Variants in ST8SIA5 observed in about 807,000 individuals in gnomAD.
ST8SIA5 encodes the protein ST8 alpha-N-acetyl-neuraminide alpha-2,8-sialyltransferase 5, also known as alpha-2,8-sialyltransferase 8E.
In ST8SIA5, 24 loss-of-function variants were observed where a neutral mutation model predicts 40.2. The ratio of observed to expected loss-of-function variants is 0.60; its 90% confidence interval spans 0.43 to 0.84. The LOEUF is 0.84. Among genes scored for constraint, ST8SIA5 ranks in the 40% least tolerant of loss-of-function variants. The pLI is 0.00. For missense variants in ST8SIA5, 465 were observed against 498.5 expected (o/e 0.93, Z 0.64); for synonymous variants, 198 against 201.8 (o/e 0.98, Z 0.16).
At chr18:46,694,582 T>C (rs1377409122) in intron 2 of ST8SIA5, among the ~76,000 whole-genome samples, 1 of 152,148 alleles carries the variant, frequency 6.6e-6, no homozygotes, top group Admixed American at 6.5e-5. Flanking sequence ...TCTTGGGTGC[T>C]GGTGCAGACA....
chr18:46,702,344 G>A (rs560700986), intron 2 of ST8SIA5, among the ~76,000 whole-genome samples: 2 of 152,180 alleles, frequency 1.3e-5, no homozygotes, highest in African/African-American at 4.8e-5. Flanking sequence ...AAAACTCCTT[G>A]GAGGCATGTT....
At chr18:46,752,291 G>A (rs1049624854) in intron 1 of ST8SIA5, among the ~76,000 whole-genome samples, 6 of 151,918 alleles carry the variant, frequency 3.9e-5, no homozygotes, top group South Asian at 2.1e-4. Flanking sequence ...TCCTCTAGGC[G>A]TGCCTTTCTG....
intron 2 of ST8SIA5, among the ~76,000 whole-genome samples, chr18:46,697,246 G>A (rs989449431): frequency 6.6e-6 from 1 of 152,038 alleles, no homozygotes; most frequent in African/African-American, 2.4e-5. Flanking sequence ...TTTATTTCAA[G>A]GTTAAATATG....
At chr18:46,744,134 T>C (rs1388957708) in intron 1 of ST8SIA5, among the ~76,000 whole-genome samples, 1 of 152,162 alleles carries the variant, frequency 6.6e-6, no homozygotes. Flanking sequence ...AAACCATCGA[T>C]GCTATGAAGA....
chr18:46,717,358 G>A (rs1555696302), intron 1 of ST8SIA5, among the ~76,000 whole-genome samples: 2 of 151,862 alleles, frequency 1.3e-5, no homozygotes, highest in African/African-American at 2.4e-5. Flanking sequence ...TTTTTTAGAC[G>A]GAGTTTTGCT....
chr18:46,727,677 G>T (rs1340486357), intron 1 of ST8SIA5, among the ~76,000 whole-genome samples: 1 of 152,088 alleles, frequency 6.6e-6, no homozygotes, highest in Non-Finnish European at 1.5e-5. Context: ...CACAGATGAG[G>T]AAACTGAACC....
At chr18:46,739,886 C>T (rs2040071898) in intron 1 of ST8SIA5, among the ~76,000 whole-genome samples, 1 of 152,130 alleles carries the variant, frequency 6.6e-6, no homozygotes, top group African/African-American at 2.4e-5. Flanking sequence ...AAGGTCAGGC[C>T]CCCTCACCCC....
At chr18:46,693,209 TCACGTGCCCACCCC>T (rs1490695604) in intron 2 of ST8SIA5, among the ~76,000 whole-genome samples, 2 of 152,014 alleles carry the variant, frequency 1.3e-5, no homozygotes, top group Non-Finnish European at 2.9e-5. Context: ...ACCTTCTCCC[TCACGTGCCCACCCC>T]CCAGGGCCTG....
chr18:46,689,058 A>T, intron 3 of ST8SIA5, 139 bp from the exon 4 acceptor site: 1 of 1,070,942 alleles, frequency 9.3e-7, no homozygotes. Context: ...CCCACCCTGC[A>T]TGGAGCCGAG....
chr18:46,692,040 G>T, intron 3 of ST8SIA5, 129 bp downstream of exon 3: 2 of 927,864 alleles, frequency 2.2e-6, no homozygotes, highest in South Asian at 1.4e-5. Flanking sequence ...GGATTCCTAA[G>T]CCCAGTCAGG....
chr18:46,691,857 G>A (rs1449743724), intron 3 of ST8SIA5: 5 of 379,882 alleles, frequency 1.3e-5, no homozygotes, highest in East Asian at 5.6e-5. Context: ...GCTGGAGACC[G>A]CCCACACATG....
At chr18:46,725,648 T>C (rs921978508) in intron 1 of ST8SIA5, among the ~76,000 whole-genome samples, 1 of 152,122 alleles carries the variant, frequency 6.6e-6, no homozygotes, top group African/African-American at 2.4e-5. Context: ...AGTTTATTTT[T>C]TCTTTTAGTT....
chr18:46,716,139 T>TAGATAC (rs1332415447), intron 1 of ST8SIA5, among the ~76,000 whole-genome samples: 4 of 98,472 alleles, frequency 4.1e-5, no homozygotes, highest in Admixed American at 2.0e-4. Context: ...TAGATAGATA[T>TAGATAC]AGTGCTCCAG....
chr18:46,681,969 G>A lies in ST8SIA5; in HGVS notation c.662+3C>T. ...GTGCAGCTCTAGAAAGAGGGCCACT[G>A]ACCTCTCTGTGATGATGCTGGGGTT... On this transcript the variant is annotated splice_donor_region_variant and intron_variant, in intron 6 of 6. Coordinates refer to ENST00000315087, the MANE Select transcript of ST8SIA5 (RefSeq NM_013305.6). The A allele has an allele frequency of 6.2e-7, 1 of 1,613,812 alleles. No individual in the cohort carries two copies. Among genetic ancestry groups the A allele is most frequent in the Non-Finnish European group, 8.5e-7 (1 of 1,179,916 alleles).
intron 2 of ST8SIA5, 84 bp from the exon 3 acceptor site, chr18:46,692,339 T>TTGG: frequency 8.1e-7 from 1 of 1,240,532 alleles, no homozygotes; most frequent in South Asian, 1.2e-5. Flanking sequence ...CCTCCTGATC[T>TTGG]CCCATAGGCC....
chr18:46,745,414 TATC>T (rs2040129483), intron 1 of ST8SIA5, among the ~76,000 whole-genome samples: 2 of 152,078 alleles, frequency 1.3e-5, no homozygotes, highest in Admixed American at 1.3e-4. Context: ...AAATACAAAC[TATC>T]ATCAGAGAAT....
Position 46,668,872 on chromosome 18 carries a change from G to T in ST8SIA5, c.*11170C>A. On this transcript the variant is annotated 3_prime_UTR_variant, in exon 7 of 7. Coordinates refer to ENST00000315087, the MANE Select transcript of ST8SIA5 (RefSeq NM_013305.6). ...ACTGGAGAAGAGTACAGGACGATGG[G>T]CTCGGGAGTCCGGGGTAGTCTGGCA... The T allele has an allele frequency of 6.6e-6, 1 of 152,434 alleles. No homozygotes were observed. The highest frequency in any genetic ancestry group is 1.5e-5 in the Non-Finnish European group (1 of 68,110). 9.4% of individuals were successfully genotyped at this position (152,434 alleles called of 1,614,324 possible).
chr18:46,693,397 A>T (rs891777858), intron 2 of ST8SIA5, among the ~76,000 whole-genome samples: 1 of 152,080 alleles, frequency 6.6e-6, no homozygotes, highest in African/African-American at 2.4e-5. Flanking sequence ...GACAGAAAGG[A>T]TGAGATGAGA....
At chr18:46,711,807 C>T (rs1464714602) in intron 1 of ST8SIA5, among the ~76,000 whole-genome samples, 1 of 152,260 alleles carries the variant, frequency 6.6e-6, no homozygotes, top group East Asian at 1.9e-4. Context: ...GCTCCAACCC[C>T]TGGCTGGTCC....
Sources: gnomAD v4.1 joint callset for allele counts (sites outside exome capture counted in the v4.1 genomes callset) on GRCh38, gnomAD v4.1.1 for gene constraint, MANE v1.5 for transcripts, NCBI Gene and HGNC (gene_info 2026-07-23, HGNC 2026-07-21) for gene names.